Variants in ZNF234 observed in about 807,000 individuals in gnomAD.
The protein encoded by ZNF234 is C2-H2 type zinc finger protein.
ZNF234 carries 4 observed loss-of-function variants against 10.3 expected under a neutral mutation model. The ratio of observed to expected loss-of-function variants is 0.39; its 90% CI spans 0.19 to 0.89. The LOEUF is 0.89. Among genes scored for constraint, ZNF234 ranks in the 40% least tolerant of loss-of-function variants. The probability of loss-of-function intolerance (pLI) is 0.38; values close to 1 mark genes in which losing one functional copy is unlikely to be tolerated. For missense variants in ZNF234, 711 were observed against 836.1 expected, an observed-to-expected ratio of 0.85 and a Z score of 1.85; for synonymous variants, 258 against 280.1, an observed-to-expected ratio of 0.92 and a Z score of 0.79.
In ZNF234 at chr19:44,158,224, G is replaced by T. The variant is rs761455194; in HGVS notation, c.*105G>T. 8.2e-7 allele frequency: 1 copy of T among 1,224,710 alleles called. No individual in the cohort carries two copies. The highest frequency in any genetic ancestry group is 1.2e-6 in the Non-Finnish European group (1 of 843,276). 75.9% of individuals were successfully genotyped at this position (1,224,710 alleles called of 1,614,324 possible). A position where few individuals can be genotyped will look rare whatever the true frequency, so the allele number is the denominator to read the frequency against. ...CAACCTCTTTGAATTTATTTGATTT[G>T]TAACGCTCCACATTTCCACCTAGAC... On this transcript the variant is annotated 3_prime_UTR_variant, in exon 6 of 6. Coordinates refer to ENST00000426739, the MANE Select transcript of ZNF234 (RefSeq NM_006630.3).
chr19:44,153,160 T>TATATATATATATATATATA (rs1568552108), intron 5 of ZNF234, among the ~76,000 whole-genome samples: 11 of 64,918 alleles, frequency 1.7e-4, no homozygotes, highest in African/African-American at 1.1e-3. Context: ...TAATCATGTA[T>TATATATATATATATATATA]TCATCATATA....
At chr19:44,151,268 T>TCTCA (rs1449776942) in intron 5 of ZNF234, among the ~76,000 whole-genome samples, 1 of 152,030 alleles carries the variant, frequency 6.6e-6, no homozygotes, top group Non-Finnish European at 1.5e-5. Flanking sequence ...AGTGGTGCAA[T>TCTCA]CTCAGCTCAC....
chr19:44,146,475 T>C (rs530013278), intron 3 of ZNF234, among the ~76,000 whole-genome samples: 23 of 152,312 alleles, frequency 1.5e-4, no homozygotes, highest in African/African-American at 5.5e-4. Flanking sequence ...TCATTCAACC[T>C]CTGCACCCTC....
At chr19:44,147,104 G>A (rs1412132535) in intron 3 of ZNF234, among the ~76,000 whole-genome samples, 1 of 151,870 alleles carries the variant, frequency 6.6e-6, no homozygotes, top group Non-Finnish European at 1.5e-5. Context: ...ATGAGCCACT[G>A]CACCCAGCCA....
At chr19:44,145,256 T>C (rs534900946) in intron 3 of ZNF234, among the ~76,000 whole-genome samples, 9 of 152,328 alleles carry the variant, frequency 5.9e-5, no homozygotes, top group African/African-American at 1.7e-4. Flanking sequence ...TTTGTTATTT[T>C]TTCCTTAAGT....
intron 5 of ZNF234, among the ~76,000 whole-genome samples, chr19:44,152,342 G>T: frequency 6.6e-6 from 1 of 152,188 alleles, no homozygotes; most frequent in East Asian, 1.9e-4. Context: ...ATAAATATCT[G>T]TTGGCATAAT....
At chr19:44,154,672 C>T (rs1342461173) in intron 5 of ZNF234, among the ~76,000 whole-genome samples, 2 of 138,902 alleles carry the variant, frequency 1.4e-5, no homozygotes, top group South Asian at 2.2e-4. Context: ...TCACTGTGTC[C>T]CTCAGGCTGA....
At chr19:44,148,733 G>C in intron 3 of ZNF234, 38 bp from the exon 4 acceptor site, 1 of 1,610,840 alleles carries the variant, frequency 6.2e-7, no homozygotes, top group African/African-American at 1.3e-5. Flanking sequence ...TCAAGAGTTT[G>C]TTAAAAAGGC....
At chr19:44,149,072 T>G (rs982785192) in intron 4 of ZNF234, among the ~76,000 whole-genome samples, 175 bp downstream of exon 4, 1 of 152,198 alleles carries the variant, frequency 6.6e-6, no homozygotes. Context: ...TTCACTAAAA[T>G]TAATGGAATA....
chr19:44,153,503 C>T (rs951285087), intron 5 of ZNF234, among the ~76,000 whole-genome samples: 5 of 152,012 alleles, frequency 3.3e-5, no homozygotes, highest in Non-Finnish European at 7.4e-5. Flanking sequence ...ATGCTTATTA[C>T]AAGCTTTTAA....
Position 44,150,396 on chromosome 19 carries a change from G to T in ZNF234, c.143-17G>T, listed in dbSNP as rs200411269. The T allele has an allele frequency of 3.9e-5, 60 of 1,557,502 alleles. No individual in the cohort carries two copies. In the East Asian group the frequency reaches 1.4e-3, roughly 36 times the overall value. ...TTTAGTGTGTTTGTTTTAAATATGT[G>T]ACTTTGCGTGTTCTAGGGCATCACC... On this transcript the variant is annotated splice_polypyrimidine_tract_variant and intron_variant, in intron 4 of 5. Coordinates refer to ENST00000426739, the MANE Select transcript of ZNF234 (RefSeq NM_006630.3).
chr19:44,151,659 T>C (rs1245394197), intron 5 of ZNF234, among the ~76,000 whole-genome samples: 1 of 152,216 alleles, frequency 6.6e-6, no homozygotes, highest in Non-Finnish European at 1.5e-5. Context: ...CCGGAGGCTC[T>C]AGGGAAGGAG....
chr19:44,150,407 T>G lies in ZNF234; in HGVS notation c.143-6T>G, dbSNP rs902736211. 1 of 1,572,654 alleles carries G rather than the reference T, an allele frequency of 6.4e-7. No individual in the cohort carries two copies. The highest frequency in any genetic ancestry group is 2.3e-5 in the East Asian group (1 of 43,686). ...TGTTTTAAATATGTGACTTTGCGTG[T>G]TCTAGGGCATCACCCCTTCAAACAT... On this transcript the variant is annotated splice_polypyrimidine_tract_variant and splice_region_variant and intron_variant, in intron 4 of 5. Transcript: ENST00000426739.
In ZNF234 at chr19:44,144,698, A is replaced by T. The variant is rs1024900513; in HGVS notation, c.15+51A>T. 6.0e-6 allele frequency: 9 copies of T among 1,491,738 alleles called. No individual in the cohort carries two copies. The African/African-American group carries it at 1.2e-4, about 21-fold the overall frequency. 92.4% of individuals were successfully genotyped at this position (1,491,738 alleles called of 1,614,324 possible). On this transcript the variant is annotated intron_variant, in intron 3 of 5. Coordinates refer to ENST00000426739, the MANE Select transcript of ZNF234 (RefSeq NM_006630.3). ...GTTAAAATTCCATCTCACTATTCTC[A>T]TGTTTCCTGAGGAAGACTCAAGAAC...
chr19:44,154,628 CTTT>C (rs779013573), intron 5 of ZNF234, among the ~76,000 whole-genome samples: 3 of 102,448 alleles, frequency 2.9e-5, no homozygotes, highest in East Asian at 2.9e-4. Context: ...TTCTCTTTTT[CTTT>C]TTTTTTTTTT....
In ZNF234 at chr19:44,156,874, A is replaced by G; in HGVS notation, c.858A>G (p.Lys286=). ...ATCAGAGAATTCATACTGGGGAGAA[A>G]CCATTCAAATGTGATACATGTGGTA... is the stretch of plus-strand genomic sequence containing the variant. ...QEHQRIHTGE[K]PFKCDTCGKN... is the part of the protein sequence containing the mutation. The change falls in exon 6 of 6, where the codon AAA becomes AAG. Residue 286 remains lysine, a synonymous_variant. Transcript: ENST00000426739. 4 of 1,613,678 alleles carry G rather than the reference A, an allele frequency of 2.5e-6. No homozygotes were observed. Among genetic ancestry groups the G allele is most frequent in the Non-Finnish European group, 3.4e-6 (4 of 1,179,702 alleles).
intron 5 of ZNF234, among the ~76,000 whole-genome samples, chr19:44,152,648 A>G (rs1244915972): frequency 1.3e-5 from 2 of 152,190 alleles, no homozygotes; most frequent in African/African-American, 2.4e-5. Flanking sequence ...CTGGGAAGGA[A>G]TAATTTTTGA....
chr19:44,148,080 C>T (rs1027146283), intron 3 of ZNF234, among the ~76,000 whole-genome samples: 3 of 152,126 alleles, frequency 2.0e-5, no homozygotes, highest in Non-Finnish European at 2.9e-5. Flanking sequence ...ACTTAGTCTG[C>T]GCCATACACT....
At position 44,157,042 on chromosome 19, in the gene ZNF234, A is replaced by G; in HGVS notation, c.1026A>G (p.Lys342=). Reference sequence around the variant, plus strand: ...ATCAAAGGGTCCACACAGGAGAGAAACCTTACAAGTGTGAAGAATGTGGTA... The same window carrying G: ...ATCAAAGGGTCCACACAGGAGAGAAGCCTTACAAGTGTGAAGAATGTGGTA... The part of the protein sequence containing the change: ...RIHQRVHTGE[K]PYKCEECGKC... The change falls in exon 6 of 6, where the codon AAA becomes AAG. Residue 342 remains lysine (K), a synonymous_variant. Coordinates refer to ENST00000426739, the MANE Select transcript of ZNF234 (RefSeq NM_006630.3). The G allele has an allele frequency of 6.2e-7, 1 of 1,614,196 alleles. No homozygotes were observed. Among genetic ancestry groups the G allele is most frequent in the South Asian group, 1.1e-5 (1 of 91,088 alleles).
Sources: allele counts gnomAD v4.1 joint callset (sites outside exome capture counted in the v4.1 genomes callset), GRCh38; gene constraint gnomAD v4.1.1; transcripts MANE v1.5; gene names NCBI Gene and HGNC (gene_info 2026-07-23, HGNC 2026-07-21).